Variants in TBC1D10C observed in about 807,000 individuals in gnomAD.
TBC1D10C encodes the protein TBC1 domain family member 10C.
Under a neutral mutation model 51.0 loss-of-function variants are expected in TBC1D10C, and 49 were observed. The observed-to-expected ratio is 0.96, with a 90% confidence interval of 0.76 to 1.22. The LOEUF (loss-of-function observed/expected upper bound fraction) is 1.22. TBC1D10C is among the 50% of genes most tolerant of loss of function. The pLI is 0.00. For missense variants in TBC1D10C, 541 were observed against 617.5 expected (o/e 0.88, Z 1.31); for synonymous variants, 281 against 266.7 (o/e 1.05, Z -0.52).
In TBC1D10C at chr11:67,406,796, G is replaced by A. The variant is rs369444466; in HGVS notation, c.649-31G>A. The A allele has an allele frequency of 8.9e-5, 143 of 1,609,222 alleles. No individual in the cohort carries two copies. In the African/African-American group the frequency reaches 1.5e-3, roughly 17 times the overall value. On this transcript the variant is annotated intron_variant, in intron 6 of 8. Transcript: ENST00000542590. ...GTTGAGCCTGGGCTCTGGGGGTGGC[G>A]GTGCTGGCCTGCTGATGGACGTGGC...
rs372933184 is a variant in TBC1D10C at position 67,405,728 on chromosome 11, C to G, written c.467+27C>G. 4.2e-5 allele frequency: 68 copies of G among 1,611,356 alleles called. No individual in the cohort carries two copies. The Middle Eastern group carries it at 6.6e-4, about 16-fold the overall frequency. On this transcript the variant is annotated intron_variant, in intron 4 of 8. Transcript: ENST00000542590. ...TACGAGGCCGGTGATGCCCAGGGAC[C>G]CCCAGCCCCACAAGCCCCAGGTGCT...
chr11:67,406,896 C>T lies in TBC1D10C; in HGVS notation c.718C>T (p.His240Tyr). ...LRRLLPHVHKHLQQVGVGPLL... is the reference protein window; with the variant it reads ...LRRLLPHVHKYLQQVGVGPLL... ...GCGGCTGCTTCCGCACGTGCACAAG[C>T]ACCTGCAGCAGGTGGGCGTCGGACC... Residue 240 changes from histidine to tyrosine, a missense_variant, in exon 7 of 9, where the codon CAC becomes TAC. His to Tyr is a moderately conservative substitution (Grantham distance 83). Transcript: ENST00000542590. The T allele has an allele frequency of 1.2e-6, 2 of 1,611,730 alleles. No homozygotes were observed. The highest frequency in any genetic ancestry group is 1.7e-6 in the Non-Finnish European group (2 of 1,179,894).
intron 1 of TBC1D10C, 41 bp from the exon 2 acceptor site, chr11:67,405,044 C>T (rs1212517831): frequency 3.9e-6 from 6 of 1,529,670 alleles, no homozygotes; most frequent in East Asian, 2.5e-5. Flanking sequence ...CCTTGGGTAA[C>T]AGCTGCCCAG....
rs890144376 is a variant in TBC1D10C, at chr11:67,405,223, A to C, written c.252+39A>C. On this transcript the variant is annotated intron_variant, in intron 2 of 8. Coordinates refer to ENST00000542590, the MANE Select transcript of TBC1D10C (RefSeq NM_001369496.1). Reference sequence around the variant, plus strand: ...GGGCCCCACTTGGCTTCCATGGCTCATTCCTCTCTGCCTCAGCCCACATCT... The same window carrying C: ...GGGCCCCACTTGGCTTCCATGGCTCCTTCCTCTCTGCCTCAGCCCACATCT... 7 of 1,541,246 alleles carry C rather than the reference A, an allele frequency of 4.5e-6. No homozygotes were observed. The African/African-American group carries it at 9.7e-5, about 21-fold the overall frequency.
chr11:67,404,038 G>A, upstream of TBC1D10C: 8 of 852,856 alleles, frequency 9.4e-6, no homozygotes, highest in South Asian at 7.2e-5. Flanking sequence ...TCAGGGCAGG[G>A]CCTAGCCCCT....
At chr11:67,404,964 C>A in intron 1 of TBC1D10C, 121 bp from the exon 2 acceptor site, 2 of 873,458 alleles carry the variant, frequency 2.3e-6, no homozygotes, top group Non-Finnish European at 3.5e-6. Flanking sequence ...GGTCACCCCA[C>A]AGGGCTCCCA....
chr11:67,404,468 C>T (rs754370820), intron 1 of TBC1D10C, 114 bp downstream of exon 1: 25 of 1,137,472 alleles, frequency 2.2e-5, no homozygotes, highest in Non-Finnish European at 2.9e-5. Context: ...GAGGGGGACT[C>T]AGCCAGTAGC....
chr11:67,406,201 G>A (rs999690374), intron 5 of TBC1D10C, 184 bp downstream of exon 5: 11 of 557,512 alleles, frequency 2.0e-5, no homozygotes, highest in Non-Finnish European at 3.1e-5. Context: ...CCAGGAACCT[G>A]GGACCCTTGA....
In TBC1D10C at chr11:67,404,183, C is replaced by G. The variant is rs1184272610; in HGVS notation, c.-20C>G. On this transcript the variant is annotated 5_prime_UTR_variant, in exon 1 of 9. Transcript: ENST00000542590. ...TTCTCCCCACTTTCTCTGCCTGTGG[C>G]ATCGAAGGCCCCGGGCACCATGGCC... The G allele has an allele frequency of 2.7e-6, 4 of 1,493,596 alleles. No homozygotes were observed. In the African/African-American group the frequency reaches 5.7e-5, roughly 21 times the overall value. The allele number at this position is 1,493,596 out of a possible 1,614,324, so 92.5% of individuals were successfully genotyped here. A position where few individuals can be genotyped will look rare whatever the true frequency, so the allele number is the denominator to read the frequency against.
chr11:67,408,096 A>G (rs1275606285), intron 7 of TBC1D10C: 1 of 152,258 alleles, frequency 6.6e-6, no homozygotes, highest in African/African-American at 2.4e-5. Context: ...GATTGTTCCT[A>G]CCATCATCAC....
At chr11:67,405,829 C>T (rs987891018) in intron 4 of TBC1D10C, 74 bp from the exon 5 acceptor site, 2 of 1,543,306 alleles carry the variant, frequency 1.3e-6, no homozygotes, top group African/African-American at 2.8e-5. Flanking sequence ...AGGCTGAGGC[C>T]TGGGCAGAGG....
At position 67,409,415 on chromosome 11, in the gene TBC1D10C, C is replaced by T. The variant is rs574345286; in HGVS notation, c.1002C>T (p.Ser334=). The change falls in exon 9 of 9, where the codon AGC becomes AGT. Residue 334 remains serine, a synonymous_variant. Transcript: ENST00000542590. The stretch of plus-strand genomic sequence containing the variant: ...CCAACTGCTCCCCACAGGTGCACAG[C>T]GTGGTGCTGTCAGAGCGGGACCTGC... ...QEEAFMSQVH[S]VVLSERDLQR... The T allele has an allele frequency of 6.5e-6, 10 of 1,548,758 alleles. No individual in the cohort carries two copies. The highest frequency in any genetic ancestry group is 3.6e-5 in the South Asian group (3 of 83,972).
chr11:67,405,258 G>A, intron 2 of TBC1D10C, 74 bp downstream of exon 2: 1 of 1,515,906 alleles, frequency 6.6e-7, no homozygotes, highest in Non-Finnish European at 8.9e-7. Context: ...TTGGCAAAAT[G>A]TACCCACCCT....
chr11:67,406,008 G>A lies in TBC1D10C; in HGVS notation c.573G>A (p.Leu191=). 3.2e-6 allele frequency: 5 copies of A among 1,582,400 alleles called. No individual in the cohort carries two copies. Among genetic ancestry groups the A allele is most frequent in the Non-Finnish European group, 4.3e-6 (5 of 1,168,114 alleles). Residue 191 remains leucine, a synonymous_variant, in exon 5 of 9, where the codon CTG becomes CTA. Coordinates refer to ENST00000542590, the MANE Select transcript of TBC1D10C (RefSeq NM_001369496.1). The stretch of plus-strand genomic sequence containing the variant: ...TGGCTGCTGTGCTGCTCATGCACCT[G>A]CCCCCAGAGGTGAGTGACCTTGACC... ...GPVAAVLLMH[L]PPEEAFWCLV...
At chr11:67,409,245 G>A in intron 8 of TBC1D10C, 112 bp downstream of exon 8, 1 of 1,425,238 alleles carries the variant, frequency 7.0e-7, no homozygotes, top group South Asian at 1.5e-5. Flanking sequence ...TGTCCCCTGA[G>A]CTTCAGAGAA....
intron 5 of TBC1D10C, 72 bp from the exon 6 acceptor site, chr11:67,406,555 C>T: frequency 7.2e-7 from 1 of 1,381,280 alleles, no homozygotes. Flanking sequence ...CTCCTTTCCC[C>T]TGTCCTGCCT....
chr11:67,406,886 C>A lies in TBC1D10C; in HGVS notation c.708C>A (p.His236Gln). The change falls in exon 7 of 9, where the codon CAC becomes CAA. Residue 236 changes from histidine to glutamine, a missense_variant. Coordinates refer to ENST00000542590, the MANE Select transcript of TBC1D10C (RefSeq NM_001369496.1). ...FMALLRRLLP[H>Q]VHKHLQQVGV... ...CCCTGCTGCGGCGGCTGCTTCCGCA[C>A]GTGCACAAGCACCTGCAGCAGGTGG... is the stretch of plus-strand genomic sequence containing the variant. The A allele has an allele frequency of 1.9e-6, 3 of 1,611,056 alleles. No individual in the cohort carries two copies. Among genetic ancestry groups the A allele is most frequent in the Middle Eastern group, 1.7e-4 (1 of 6,054 alleles).
At position 67,409,851 on chromosome 11, in the gene TBC1D10C, C is replaced by A; in HGVS notation, c.*97C>A. The A allele has an allele frequency of 1.8e-6, 2 of 1,107,830 alleles. No homozygotes were observed. The highest frequency in any genetic ancestry group is 2.5e-5 in the East Asian group (1 of 40,346). The allele number at this position is 1,107,830 out of a possible 1,614,324, so 68.6% of individuals were successfully genotyped here. A position where few individuals can be genotyped will look rare whatever the true frequency, so the allele number is the denominator to read the frequency against. ...GCACTTTACTCTTGGGACTCGGGGACTTGGCTTCCTTCCTGGCAAGGACCA... is the reference window on the plus strand; with the variant it reads ...GCACTTTACTCTTGGGACTCGGGGAATTGGCTTCCTTCCTGGCAAGGACCA... On this transcript the variant is annotated 3_prime_UTR_variant, in exon 9 of 9. Transcript: ENST00000542590.
intron 7 of TBC1D10C, chr11:67,407,227 A>G: frequency 1.7e-6 from 1 of 603,174 alleles, no homozygotes; most frequent in Non-Finnish European, 2.8e-6. Context: ...CAGAGGAGGC[A>G]GATGGGGCAG....
Sources: gnomAD v4.1 joint callset for allele counts on GRCh38, gnomAD v4.1.1 for gene constraint, MANE v1.5 for transcripts, NCBI Gene and HGNC (gene_info 2026-07-23, HGNC 2026-07-21) for gene names.